The following FGF12 variants were observed in gnomAD, a reference collection of about 807,000 sequenced individuals.
FGF12 encodes fibroblast growth factor 12, also known as fibroblast growth factor 12B.
In FGF12, 14 loss-of-function variants were observed where a neutral mutation model predicts 23.6. That is an observed-to-expected ratio of 0.59 (90% CI 0.39 to 0.93). The LOEUF (loss-of-function observed/expected upper bound fraction) is 0.93. Among genes scored for constraint, FGF12 ranks in the 40% least tolerant of loss-of-function variants. The pLI is 0.00. For synonymous variants in FGF12, 62 were observed against 77.3 expected (o/e 0.80, Z 1.04); for missense variants, 175 against 217.8 (o/e 0.80, Z 1.24).
chr3:192,286,866 T>A lies in FGF12; in HGVS notation c.228+48495A>T, dbSNP rs113858991. Among the ~76,000 whole-genome samples the A allele has an allele frequency of 7.1e-3, 1,079 of 152,172 alleles. 8 individuals are homozygous for A. The highest frequency in any genetic ancestry group is 0.025 in the African/African-American group (1,045 of 41,550). On this transcript the variant is annotated intron_variant, in intron 4 of 5. Transcript: ENST00000445105. ...ACACTATATATCTGCTGCTAAGCCA[T>A]GGCATGCACACTTACAATGTACAGA...
intron 3 of FGF12, among the ~76,000 whole-genome samples, chr3:192,338,330 G>C (rs561600995): frequency 6.6e-6 from 1 of 152,174 alleles, no homozygotes; most frequent in Middle Eastern, 3.4e-3. Flanking sequence ...TGATCCACCT[G>C]TCTCGGCCTC....
chr3:192,255,402 G>C (rs1712320550), intron 4 of FGF12, among the ~76,000 whole-genome samples: 1 of 151,958 alleles, frequency 6.6e-6, no homozygotes, highest in South Asian at 2.1e-4. Context: ...AAACATTTCA[G>C]AGTTTTACTT....
At chr3:192,273,892 TTAAG>T (rs1424074894) in intron 4 of FGF12, among the ~76,000 whole-genome samples, 1 of 145,980 alleles carries the variant, frequency 6.9e-6, no homozygotes, top group Admixed American at 7.0e-5. Context: ...CTTCAGGATG[TTAAG>T]TGAGTGAATT....
intron 2 of FGF12, among the ~76,000 whole-genome samples, chr3:192,459,420 C>A (rs988715098): frequency 1.3e-5 from 2 of 152,212 alleles, no homozygotes; most frequent in Admixed American, 1.3e-4. Flanking sequence ...AGTTGGTCAA[C>A]TTAAATTGTT....
intron 2 of FGF12, among the ~76,000 whole-genome samples, chr3:192,559,957 T>C (rs1425695799): frequency 6.6e-6 from 1 of 152,096 alleles, no homozygotes; most frequent in African/African-American, 2.4e-5. Flanking sequence ...CCCTTTCAAA[T>C]GCTAAAAATG....
At chr3:192,536,393 A>T (rs1179206319) in intron 2 of FGF12, among the ~76,000 whole-genome samples, 2 of 152,210 alleles carry the variant, frequency 1.3e-5, no homozygotes. Flanking sequence ...ATAGCAAAAA[A>T]GTAAGCAAAC....
intron 2 of FGF12, among the ~76,000 whole-genome samples, chr3:192,652,371 A>G (rs1716245609): frequency 6.6e-6 from 1 of 152,176 alleles, no homozygotes; most frequent in African/African-American, 2.4e-5. Flanking sequence ...GATGGATGAG[A>G]GTGCAAAGCT....
At chr3:192,537,325 G>A (rs1268469282) in intron 2 of FGF12, among the ~76,000 whole-genome samples, 1 of 151,984 alleles carries the variant, frequency 6.6e-6, no homozygotes, top group Non-Finnish European at 1.5e-5. Flanking sequence ...CCTAGTAATG[G>A]GATTGTGGGA....
At chr3:192,198,095 G>A (rs1333191108) in intron 4 of FGF12, among the ~76,000 whole-genome samples, 4 of 150,756 alleles carry the variant, frequency 2.7e-5, no homozygotes, top group African/African-American at 9.8e-5. Flanking sequence ...TACAAATTTT[G>A]AATAAAAGAA....
At position 192,165,730 on chromosome 3, in the gene FGF12, T is replaced by C. The variant is rs568440675; in HGVS notation, c.427+4728A>G. 3.3e-5 allele frequency among the ~76,000 whole-genome samples: 5 copies of C among 152,328 alleles called. No individual in the cohort carries two copies. In the South Asian group the frequency reaches 8.3e-4, roughly 25 times the overall value. The stretch of plus-strand genomic sequence containing the variant: ...CTAGTTTACTATTCAAATTGCATCA[T>C]AGTATAAGGTTTCTGCTTTGCTATC... On this transcript the variant is annotated intron_variant, in intron 5 of 5. Transcript: ENST00000445105.
chr3:192,694,334 A>C (rs567910512), intron 2 of FGF12, among the ~76,000 whole-genome samples: 2 of 152,184 alleles, frequency 1.3e-5, no homozygotes, highest in Admixed American at 1.3e-4. Context: ...AACAGTATGA[A>C]AGTTCCTCAA....
chr3:192,405,199 A>T (rs1720912028), intron 2 of FGF12, among the ~76,000 whole-genome samples: 1 of 151,102 alleles, frequency 6.6e-6, no homozygotes, highest in Non-Finnish European at 1.5e-5. Flanking sequence ...GTGTGATGTG[A>T]GGCCATACCT....
At position 192,392,414 on chromosome 3, in the gene FGF12, A is replaced by AAATAAATAAAT. The variant is rs1720333282; in HGVS notation, c.14-31877_14-31876insATTTATTTATT. 3.1e-4 allele frequency among the ~76,000 whole-genome samples: 45 copies of AAATAAATAAAT among 143,644 alleles called. 1 individual carries two copies. The highest frequency in any genetic ancestry group is 1.2e-3 in the African/African-American group (45 of 38,910). The allele number at this position is 143,644 out of a possible 152,430, so 94.2% of individuals were successfully genotyped here. ...GAAACCCCGTCTCTACTAAAAATAA[A>AAATAAATAAAT]AAATAAATAAATAAATAAATAAATA... On this transcript the variant is annotated intron_variant, in intron 2 of 5. Coordinates refer to ENST00000445105, the MANE Select transcript of FGF12 (RefSeq NM_004113.6).
intron 2 of FGF12, among the ~76,000 whole-genome samples, chr3:192,380,647 G>A (rs538886674): frequency 2.6e-5 from 4 of 152,210 alleles, no homozygotes; most frequent in African/African-American, 9.6e-5. Context: ...GGCAAAATCA[G>A]AAAAACCTGC....
chr3:192,156,823 T>C (rs1714452015), intron 5 of FGF12, among the ~76,000 whole-genome samples: 1 of 152,212 alleles, frequency 6.6e-6, no homozygotes, highest in Non-Finnish European at 1.5e-5. Context: ...AGAGGAAGCA[T>C]TTCTTTTTGG....
At chr3:192,681,304 C>T (rs1025392288) in intron 2 of FGF12, among the ~76,000 whole-genome samples, 1 of 152,136 alleles carries the variant, frequency 6.6e-6, no homozygotes, top group South Asian at 2.1e-4. Flanking sequence ...AAAGGGCTGC[C>T]TTAGGAATGA....
intron 3 of FGF12, among the ~76,000 whole-genome samples, chr3:192,345,580 G>A (rs1395587077): frequency 1.1e-5 from 1 of 92,904 alleles, no homozygotes; most frequent in Non-Finnish European, 1.8e-5. Flanking sequence ...CCAGCTACTC[G>A]GGAGGCTGAG....
At chr3:192,279,509 T>C (rs1473129298) in intron 4 of FGF12, among the ~76,000 whole-genome samples, 1 of 152,048 alleles carries the variant, frequency 6.6e-6, no homozygotes, top group Non-Finnish European at 1.5e-5. Context: ...AACAGAGGCA[T>C]AGAGATACTA....
chr3:192,192,277 T>C (rs1409192807), intron 4 of FGF12, among the ~76,000 whole-genome samples: 3 of 152,000 alleles, frequency 2.0e-5, no homozygotes, highest in Admixed American at 6.6e-5. Context: ...GACTTTTTGG[T>C]AGAAAGGGAA....
Sources: allele counts gnomAD v4.1 joint callset (sites outside exome capture counted in the v4.1 genomes callset), GRCh38; gene constraint gnomAD v4.1.1; transcripts MANE v1.5; gene names NCBI Gene and HGNC (gene_info 2026-07-23, HGNC 2026-07-21).